The following PCDH15 variants were observed in gnomAD, a reference collection of about 807,000 sequenced individuals.
PCDH15 encodes the protein protocadherin-15.
PCDH15 carries 129 observed loss-of-function variants against 178.5 expected under a neutral mutation model. That is an observed-to-expected ratio of 0.72 (90% CI 0.63 to 0.84). The LOEUF is 0.84. Among genes scored for constraint, PCDH15 ranks in the 40% least tolerant of loss-of-function variants. The pLI is 0.00. For missense variants in PCDH15, 2,230 were observed against 2,099.9 expected (o/e 1.06, Z -1.21); for synonymous variants, 800 against 732.0 (o/e 1.09, Z -1.50).
intron 2 of PCDH15, among the ~76,000 whole-genome samples, chr10:55,026,839 T>C (rs1271128227): frequency 6.6e-6 from 1 of 151,918 alleles, no homozygotes; most frequent in Non-Finnish European, 1.5e-5. Flanking sequence ...AACATAAAAG[T>C]TGGACTTAAG....
At chr10:54,151,397 T>G (rs1057186100) in intron 14 of PCDH15, among the ~76,000 whole-genome samples, 5 of 151,938 alleles carry the variant, frequency 3.3e-5, no homozygotes, top group Non-Finnish European at 7.4e-5. Context: ...TTTAATTAGC[T>G]AGGATTGGTG....
chr10:55,542,251 A>G (rs189457344), intron 2 of PCDH15, among the ~76,000 whole-genome samples: 1 of 151,416 alleles, frequency 6.6e-6, no homozygotes, highest in African/African-American at 2.4e-5. Context: ...CTGTATGTGT[A>G]CATGTATGTA....
At chr10:55,432,137 C>T (rs543872686) in intron 2 of PCDH15, among the ~76,000 whole-genome samples, 1 of 145,014 alleles carries the variant, frequency 6.9e-6, no homozygotes, top group East Asian at 2.2e-4. Flanking sequence ...CAATTATATG[C>T]TCCTTCAATG....
chr10:54,375,795 ATATATATAATATATAAATAAAAATATATT>A (rs1369897875), intron 4 of PCDH15, among the ~76,000 whole-genome samples: 13,426 of 144,606 alleles, frequency 0.093, 796 homozygotes, highest in Middle Eastern at 0.19. Flanking sequence ...AATGGAATAT[ATATATATAATATATAAATAAAAATATATT>A]TTTGAAATGG....
rs186552415 is a variant in PCDH15 at position 54,608,224 on chromosome 10, G to C, written c.91+55948C>G. Among the ~76,000 whole-genome samples the C allele has an allele frequency of 1.1e-4, 17 of 151,570 alleles. No individual in the cohort carries two copies. In the East Asian group the frequency reaches 3.3e-3, roughly 30 times the overall value. Reference sequence around the variant, plus strand: ...GGCTCACAACTGTAATCCCAGCACTGTGGGAGGCCGAGGTGGCTGGATTGC... The same window carrying C: ...GGCTCACAACTGTAATCCCAGCACTCTGGGAGGCCGAGGTGGCTGGATTGC... On this transcript the variant is annotated intron_variant, in intron 2 of 37. Transcript: ENST00000644397.
chr10:54,839,800 A>G (rs1299242808), intron 3 of PCDH15, among the ~76,000 whole-genome samples: 1 of 152,072 alleles, frequency 6.6e-6, no homozygotes, highest in Non-Finnish European at 1.5e-5. Context: ...GAAACAGCAT[A>G]AGGTTATCAG....
At chr10:54,645,313 G>C (rs1190042047) in intron 2 of PCDH15, among the ~76,000 whole-genome samples, 2 of 152,176 alleles carry the variant, frequency 1.3e-5, no homozygotes, top group East Asian at 1.9e-4. Context: ...ACTGCTGAGA[G>C]AGACAGAGAG....
chr10:55,029,976 A>G (rs776331770), intron 2 of PCDH15, among the ~76,000 whole-genome samples: 1 of 152,164 alleles, frequency 6.6e-6, no homozygotes, highest in Non-Finnish European at 1.5e-5. Context: ...CAAAGAGGTG[A>G]ATAAAAGCTC....
chr10:54,668,939 A>G (rs1368277349), intron 1 of PCDH15, among the ~76,000 whole-genome samples: 1 of 152,150 alleles, frequency 6.6e-6, no homozygotes, highest in Admixed American at 6.6e-5. Flanking sequence ...ATCTGTAACA[A>G]TATCTAGATA....
At chr10:55,505,294 T>C (rs185174293) in intron 2 of PCDH15, among the ~76,000 whole-genome samples, 72 of 151,478 alleles carry the variant, frequency 4.8e-4, no homozygotes, top group Middle Eastern at 3.4e-3. Flanking sequence ...TAAGTGAAAG[T>C]AACTATGATC....
rs537476186 is a variant in PCDH15 at position 54,648,659 on chromosome 10, A to G, written c.91+15513T>C. On this transcript the variant is annotated intron_variant, in intron 2 of 37. Transcript: ENST00000644397. ...TATAAATACAGAGAAGAGTATTTCT[A>G]AGGTGTTTGGCACTTACAAATACCA... Among the ~76,000 whole-genome samples, 3 of 152,270 alleles carry G rather than the reference A, an allele frequency of 2.0e-5. No homozygotes were observed. The East Asian group carries it at 5.8e-4, about 29-fold the overall frequency.
chr10:53,917,970 C>G (rs541447138), intron 25 of PCDH15, among the ~76,000 whole-genome samples: 1 of 152,104 alleles, frequency 6.6e-6, no homozygotes, highest in Non-Finnish European at 1.5e-5. Context: ...TCACTTTCCA[C>G]CATGATTGGA....
At chr10:54,204,082 C>A (rs184035572) in intron 10 of PCDH15, among the ~76,000 whole-genome samples, 3 of 152,228 alleles carry the variant, frequency 2.0e-5, no homozygotes, top group East Asian at 1.9e-4. Context: ...TAGTGTATAA[C>A]CTTCAAATAG....
chr10:55,368,989 T>C (rs1466584597), intron 2 of PCDH15, among the ~76,000 whole-genome samples: 1 of 129,318 alleles, frequency 7.7e-6, no homozygotes, highest in East Asian at 2.5e-4. Context: ...GCTTGGATAG[T>C]CCTGATCTCA....
At chr10:55,531,999 T>A (rs1460201243) in intron 2 of PCDH15, among the ~76,000 whole-genome samples, 1 of 152,042 alleles carries the variant, frequency 6.6e-6, no homozygotes, top group African/African-American at 2.4e-5. Flanking sequence ...ATTTTTTTTA[T>A]CAAATTAAAG....
At chr10:54,839,489 A>C (rs953162380) in intron 3 of PCDH15, among the ~76,000 whole-genome samples, 2 of 152,086 alleles carry the variant, frequency 1.3e-5, no homozygotes, top group African/African-American at 4.8e-5. Flanking sequence ...ATAAAGGAAA[A>C]ACTGTAAAGA....
At chr10:54,870,726 C>T (rs1954021728) in intron 3 of PCDH15, among the ~76,000 whole-genome samples, 1 of 151,890 alleles carries the variant, frequency 6.6e-6, no homozygotes, top group African/African-American at 2.4e-5. Flanking sequence ...GCGGAGCTTG[C>T]AGTGAGCCGA....
intron 25 of PCDH15, among the ~76,000 whole-genome samples, chr10:53,921,642 T>C (rs573032516): frequency 6.6e-6 from 1 of 152,290 alleles, no homozygotes; most frequent in South Asian, 2.1e-4. Flanking sequence ...CTCAGCTTTC[T>C]TAATGGCACT....
chr10:55,318,288 C>T (rs1843783747), intron 1 of PCDH15, among the ~76,000 whole-genome samples: 1 of 151,816 alleles, frequency 6.6e-6, no homozygotes, highest in African/African-American at 2.4e-5. Context: ...TATCAATGAG[C>T]TCAAACTACA....
Sources: gnomAD v4.1 joint callset for allele counts (sites outside exome capture counted in the v4.1 genomes callset) on GRCh38, gnomAD v4.1.1 for gene constraint, MANE v1.5 for transcripts, NCBI Gene and HGNC (gene_info 2026-07-23, HGNC 2026-07-21) for gene names.